VTCN1: variants seen among roughly 807,000 people sequenced by gnomAD.
VTCN1 encodes V-set domain containing T cell activation inhibitor 1.
Under a neutral mutation model 26.5 loss-of-function variants are expected in VTCN1, and 26 were observed. The ratio of observed to expected loss-of-function variants is 0.98; its 90% CI spans 0.72 to 1.36. The LOEUF is 1.36. VTCN1 is among the 40% of genes most tolerant of loss of function. The pLI is 0.00. For missense variants in VTCN1, 298 were observed against 337.7 expected, an observed-to-expected ratio of 0.88 and a Z score of 0.92; for synonymous variants, 116 against 130.7, an observed-to-expected ratio of 0.89 and a Z score of 0.77.
intron 1 of VTCN1, among the ~76,000 whole-genome samples, chr1:117,176,338 T>A (rs1422884956): frequency 6.6e-6 from 1 of 152,170 alleles, no homozygotes; most frequent in Non-Finnish European, 1.5e-5. Flanking sequence ...CTTGAGGTCT[T>A]AACTACATGC....
Position 117,146,407 on chromosome 1 carries a change from C to A in VTCN1, c.*46-1182G>T, listed in dbSNP as rs1651512233. 6.6e-6 allele frequency among the ~76,000 whole-genome samples: 1 copy of A among 152,172 alleles called. No homozygotes were observed. The highest frequency in any genetic ancestry group is 2.4e-5 in the African/African-American group (1 of 41,434). ...GAAAGAATGAAAAGAAGCAGATCAA[C>A]AGATCTTTACCTGCCTCTGAGGACT... is the stretch of plus-strand genomic sequence containing the variant. On this transcript the variant is annotated intron_variant, in intron 5 of 5. Transcript: ENST00000369458. The surrounding 1 kb of genome is among the most constrained non-coding windows in gnomAD (Gnocchi z 4.2).
rs908144759 is a variant in VTCN1, at chr1:117,153,168, T to C, written c.647A>G (p.Asn216Ser). 3.1e-6 allele frequency: 5 copies of C among 1,614,020 alleles called. No homozygotes were observed. The Admixed American group carries it at 5.0e-5, about 16-fold the overall frequency. ...VTMKVVSVLY[N>S]VTINNTYSCM... ...GGAGTATGTGTTGTTGATCGTAACA[T>C]TGTAGAGCACAGACACAACCTTCAT... The change falls in exon 4 of 6, where the codon AAT (asparagine) becomes AGT (serine). Residue 216 changes from asparagine (N) to serine (S), a missense_variant. Asn to Ser is a conservative substitution (Grantham distance 46). Coordinates refer to ENST00000369458, the MANE Select transcript of VTCN1 (RefSeq NM_024626.4).
At position 117,172,646 on chromosome 1, in the gene VTCN1, C is replaced by G. The variant is rs996748394; in HGVS notation, c.33-2475G>C. 3.9e-5 allele frequency among the ~76,000 whole-genome samples: 6 copies of G among 152,178 alleles called. No individual in the cohort carries two copies. The South Asian group carries it at 6.2e-4, about 16-fold the overall frequency. On this transcript the variant is annotated intron_variant, in intron 1 of 5. Transcript: ENST00000369458. ...ATTATAAAGGCTGCATGTGTCCCCC[C>G]CCACATTCACATGTTGAAGTCCTAA...
intron 4 of VTCN1, among the ~76,000 whole-genome samples, chr1:117,152,114 C>T (rs1451617410): frequency 6.6e-6 from 1 of 152,086 alleles, no homozygotes; most frequent in Admixed American, 6.5e-5. Flanking sequence ...ATTGAAACCC[C>T]TTAAAATGAT....
chr1:117,151,839 C>T (rs368178495), intron 4 of VTCN1, among the ~76,000 whole-genome samples: 8 of 152,070 alleles, frequency 5.3e-5, no homozygotes, highest in African/African-American at 1.2e-4. Context: ...CCAATTTTTC[C>T]GCATCCTCAC....
chr1:117,171,942 G>A (rs1394536897), intron 1 of VTCN1, among the ~76,000 whole-genome samples: 1 of 152,178 alleles, frequency 6.6e-6, no homozygotes, highest in Non-Finnish European at 1.5e-5. Flanking sequence ...AGCACTCCAT[G>A]AGGGGTCACC....
At chr1:117,179,120 C>T (rs1297737414) in intron 1 of VTCN1, among the ~76,000 whole-genome samples, 1 of 152,176 alleles carries the variant, frequency 6.6e-6, no homozygotes, top group Non-Finnish European at 1.5e-5. Flanking sequence ...ATACTTAGAA[C>T]AGGGTTTCTC....
At chr1:117,166,857 C>A (rs989776975) in intron 2 of VTCN1, among the ~76,000 whole-genome samples, 1 of 151,406 alleles carries the variant, frequency 6.6e-6, no homozygotes, top group African/African-American at 2.4e-5. Flanking sequence ...TGTGGGAGGT[C>A]GAGGTGGGTG....
chr1:117,203,069 G>A (rs1648868423), intron 1 of VTCN1, among the ~76,000 whole-genome samples: 1 of 152,092 alleles, frequency 6.6e-6, no homozygotes. Flanking sequence ...AGCACAGAGG[G>A]GCTGACCTTT....
intron 2 of VTCN1, among the ~76,000 whole-genome samples, chr1:117,164,531 C>A (rs1405798914): frequency 6.6e-6 from 1 of 152,112 alleles, no homozygotes; most frequent in Non-Finnish European, 1.5e-5. Flanking sequence ...CAGATTTTTA[C>A]TAAAAGCATT....
intron 2 of VTCN1, among the ~76,000 whole-genome samples, chr1:117,166,520 C>A (rs865948813): frequency 2.6e-5 from 4 of 151,564 alleles, no homozygotes; most frequent in Non-Finnish European, 5.9e-5. Context: ...TTTGGAAGGC[C>A]GAGGCGGGTG....
At chr1:117,194,288 A>G (rs771757904) in intron 1 of VTCN1, among the ~76,000 whole-genome samples, 14 of 152,202 alleles carry the variant, frequency 9.2e-5, no homozygotes, top group Non-Finnish European at 1.5e-4. Flanking sequence ...ATCACTAATC[A>G]TCAGGGAACT....
chr1:117,177,439 A>G (rs1172452016), intron 1 of VTCN1, among the ~76,000 whole-genome samples: 2 of 152,184 alleles, frequency 1.3e-5, no homozygotes, highest in Non-Finnish European at 2.9e-5. Context: ...GAGCAGAAGC[A>G]TCAGGAATGG....
rs542227733 is a variant in VTCN1, at chr1:117,175,398, G to A, written c.33-5227C>T. On this transcript the variant is annotated intron_variant, in intron 1 of 5. Coordinates refer to ENST00000369458, the MANE Select transcript of VTCN1 (RefSeq NM_024626.4). This position sits in a 1 kb window ranked among gnomAD's most constrained non-coding sequence, Gnocchi z 4.2. Reference sequence around the variant, plus strand: ...CCGCTGCTGGGTGCTGTGAGCCGGCGTGGTCGCTGTGAAGCGGATGTGCAG... The same window carrying A: ...CCGCTGCTGGGTGCTGTGAGCCGGCATGGTCGCTGTGAAGCGGATGTGCAG... Among the ~76,000 whole-genome samples, 24 of 152,328 alleles carry A rather than the reference G, an allele frequency of 1.6e-4. No individual in the cohort carries two copies. The East Asian group carries it at 4.0e-3, about 26-fold the overall frequency.
chr1:117,170,026 C>T (rs775713392), intron 2 of VTCN1, 81 bp downstream of exon 2: 270 of 1,355,278 alleles, frequency 2.0e-4, no homozygotes, highest in Non-Finnish European at 2.7e-4. Context: ...GCTCTGGGCT[C>T]TTTCCATGCT....
chr1:117,193,244 T>C (rs77986007), intron 1 of VTCN1, among the ~76,000 whole-genome samples: 17,439 of 152,142 alleles, frequency 0.11, 1,069 homozygotes, highest in East Asian at 0.16. Flanking sequence ...TAGGGATGAC[T>C]GTACTTACCT....
chr1:117,188,518 C>T (rs1180912921), intron 1 of VTCN1, among the ~76,000 whole-genome samples: 2 of 152,164 alleles, frequency 1.3e-5, no homozygotes, highest in African/African-American at 2.4e-5. Context: ...TCTATATGTG[C>T]ACTTTAAAAG....
chr1:117,192,538 T>C (rs1366245062), intron 1 of VTCN1, among the ~76,000 whole-genome samples: 1 of 152,166 alleles, frequency 6.6e-6, no homozygotes, highest in Non-Finnish European at 1.5e-5. Context: ...CACATTAAAC[T>C]GTAGTATAAA....
chr1:117,210,894 A>T lies in VTCN1; in HGVS notation c.-39T>A, dbSNP rs746407371. ...TCCCAGCGTATCTGGGTACTGGCTG[A>T]GTGGAGCTGCCGCTGCCTTCCTTGG... On this transcript the variant is annotated 5_prime_UTR_variant, in exon 1 of 6. Transcript: ENST00000369458. The T allele has an allele frequency of 6.2e-7, 1 of 1,611,940 alleles. No homozygotes were observed. Among genetic ancestry groups the T allele is most frequent in the Non-Finnish European group, 8.5e-7 (1 of 1,178,262 alleles).
Sources: gnomAD v4.1 joint callset for allele counts (sites outside exome capture counted in the v4.1 genomes callset) on GRCh38, gnomAD v4.1.1 for gene constraint, Gnocchi (gnomAD v3.1) non-coding constraint, MANE v1.5 for transcripts, NCBI Gene and HGNC (gene_info 2026-07-23, HGNC 2026-07-21) for gene names.